CELF2: variants seen among roughly 807,000 people sequenced by gnomAD.
CELF2 encodes the protein CUG triplet repeat RNA-binding protein 2.
CELF2 carries 8 observed loss-of-function variants against 62.6 expected under a neutral mutation model. The observed-to-expected ratio is 0.13, with a 90% CI of 0.07 to 0.23. The LOEUF is 0.23. Among genes scored for constraint, CELF2 ranks in the 10% least tolerant of loss-of-function variants. The pLI is 1.00. For missense variants in CELF2, 333 were observed against 671.0 expected, an observed-to-expected ratio of 0.50 and a Z score of 5.56; for synonymous variants, 258 against 250.0, an observed-to-expected ratio of 1.03 and a Z score of -0.30.
rs1035005425 is a variant in CELF2, at chr10:11,246,413, C to G, written c.355-2740C>G. ...CTCCACTGAGCTTCCTGTTGAACTC[C>G]CTTTGCAGGTGACCTCAAAATAGAA... On this transcript the variant is annotated intron_variant, in intron 3 of 12. Transcript: ENST00000633077. This position sits in a 1 kb window ranked among gnomAD's most constrained non-coding sequence, Gnocchi z 4.6. Among the ~76,000 whole-genome samples, 6 of 152,128 alleles carry G rather than the reference C, an allele frequency of 3.9e-5. No homozygotes were observed. Among genetic ancestry groups the G allele is most frequent in the African/African-American group, 1.4e-4 (6 of 41,430 alleles).
chr10:11,121,306 A>G (rs559768602), intron 1 of CELF2, among the ~76,000 whole-genome samples: 1 of 152,224 alleles, frequency 6.6e-6, no homozygotes, highest in Non-Finnish European at 1.5e-5. Flanking sequence ...AATAGCACAC[A>G]TAAGATGCTG....
chr10:11,095,344 G>A (rs1831820235), intron 1 of CELF2, among the ~76,000 whole-genome samples: 1 of 152,210 alleles, frequency 6.6e-6, no homozygotes, highest in Non-Finnish European at 1.5e-5. Context: ...GCTGGCGGTT[G>A]TGTGCGGCAT....
At chr10:11,094,517 C>T (rs1242917203) in intron 1 of CELF2, among the ~76,000 whole-genome samples, 1 of 152,132 alleles carries the variant, frequency 6.6e-6, no homozygotes, top group East Asian at 1.9e-4. Context: ...CCAACCTTCT[C>T]ATACTGAAGT....
chr10:10,762,599 A>C, the CELF2 span, among the ~76,000 whole-genome samples: 1 of 152,182 alleles, frequency 6.6e-6, no homozygotes, highest in Admixed American at 6.5e-5. Flanking sequence ...TCCACTAGGC[A>C]AGCATAACCC....
chr10:10,496,081 T>C, the CELF2 span, among the ~76,000 whole-genome samples: 1 of 152,204 alleles, frequency 6.6e-6, no homozygotes, highest in Non-Finnish European at 1.5e-5. Flanking sequence ...TCTATCCCTT[T>C]TGCTCATGTC....
chr10:10,541,247 A>C, the CELF2 span, among the ~76,000 whole-genome samples: 2 of 151,044 alleles, frequency 1.3e-5, no homozygotes, highest in East Asian at 3.9e-4. Flanking sequence ...CATCTCAAAA[A>C]AAAAAAAAAA....
In CELF2 at chr10:11,319,140, C is replaced by T. The variant is rs1476659755; in HGVS notation, c.1097-2049C>T. ...CTCTCCCGCCAGAATTTCCTCCACACGGGCATCTGCATTTCCAGAGGACTG... is the reference window on the plus strand; with the variant it reads ...CTCTCCCGCCAGAATTTCCTCCACATGGGCATCTGCATTTCCAGAGGACTG... On this transcript the variant is annotated intron_variant, in intron 10 of 12. Transcript: ENST00000633077. The surrounding 1 kb of genome is among the most constrained non-coding windows in gnomAD (Gnocchi z 4.4). 4 of 469,146 alleles carry T rather than the reference C, an allele frequency of 8.5e-6. No individual in the cohort carries two copies. In the East Asian group the frequency reaches 2.1e-4, roughly 24 times the overall value. 29.1% of individuals were successfully genotyped at this position (469,146 alleles called of 1,614,324 possible).
At chr10:11,257,553 G>A in intron 4 of CELF2, 185 bp from the exon 5 acceptor site, 2 of 580,674 alleles carry the variant, frequency 3.4e-6, no homozygotes, top group African/African-American at 1.9e-5. Context: ...GGAAGCACCA[G>A]GTGGGAGGGA....
intron 2 of CELF2, among the ~76,000 whole-genome samples, chr10:11,213,195 C>T (rs1038952855): frequency 6.6e-6 from 1 of 152,182 alleles, no homozygotes; most frequent in Non-Finnish European, 1.5e-5. Flanking sequence ...CCCTCTGATG[C>T]ATGGTGCGAC....
chr10:10,463,979 AT>A, the CELF2 span, among the ~76,000 whole-genome samples: 1 of 149,430 alleles, frequency 6.7e-6, no homozygotes, highest in African/African-American at 2.5e-5. Flanking sequence ...AAAAACTCCT[AT>A]GGATTTTGAA....
the CELF2 span, among the ~76,000 whole-genome samples, chr10:10,605,931 C>T: frequency 6.6e-6 from 1 of 152,206 alleles, no homozygotes. Flanking sequence ...GAAGCATTTG[C>T]ATCATGTGCC....
intron 1 of CELF2, among the ~76,000 whole-genome samples, chr10:10,841,454 G>A (rs1473208574): frequency 2.6e-5 from 4 of 151,382 alleles, no homozygotes; most frequent in Non-Finnish European, 5.9e-5. Context: ...GTAGGTCTGT[G>A]TCTAGGTTCA....
At chr10:11,277,334 C>T (rs983048307) in intron 8 of CELF2, among the ~76,000 whole-genome samples, 2 of 152,166 alleles carry the variant, frequency 1.3e-5, no homozygotes, top group Non-Finnish European at 2.9e-5. Context: ...GAGGTTCCTT[C>T]CTAGGAGAAA....
At chr10:11,108,849 A>G (rs1033386999) in intron 1 of CELF2, among the ~76,000 whole-genome samples, 2 of 152,074 alleles carry the variant, frequency 1.3e-5, no homozygotes, top group African/African-American at 2.4e-5. Flanking sequence ...CCTTCTCTCA[A>G]TTACCTGTTC....
chr10:11,174,256 A>AACACAC (rs1043887621), intron 2 of CELF2, among the ~76,000 whole-genome samples: 3 of 152,016 alleles, frequency 2.0e-5, no homozygotes, highest in Non-Finnish European at 4.4e-5. Context: ...CACATAGACA[A>AACACAC]ACACACACAC....
At position 10,979,672 on chromosome 10, in the gene CELF2, CAAAAAA is replaced by C. The variant is rs35482385; in HGVS notation, c.89+59693_89+59698del. The stretch of plus-strand genomic sequence containing the variant: ...GGCGATAGAGCCAGACCTTGTCTCT[CAAAAAA>C]AAAAAAAAAAAAAAAAAAATTCCAT... On this transcript the variant is annotated intron_variant, in intron 2 of 13. Coordinates refer to the CELF2 transcript ENST00000636488. Among the ~76,000 whole-genome samples the C allele has an allele frequency of 8.7e-5, 6 of 68,988 alleles. No homozygotes were observed. The South Asian group carries it at 2.6e-3, about 30-fold the overall frequency. The allele number at this position is 68,988 out of a possible 152,430, so 45.3% of individuals were successfully genotyped here.
chr10:11,270,827 A>AC lies in CELF2; in HGVS notation c.777+3_777+4insC. On this transcript the variant is annotated splice_donor_region_variant and intron_variant, in intron 7 of 12. Transcript: ENST00000633077. The surrounding 1 kb of genome is among the most constrained non-coding windows in gnomAD (Gnocchi z 5.8). ...GACTGACCCCACAGTATCTGGCGGT[A>AC]AGTGCTGGGCAATGCCGGCGTGGTC... 7.1e-7 allele frequency: 1 copy of AC among 1,411,894 alleles called. No homozygotes were observed. Among genetic ancestry groups the AC allele is most frequent in the Non-Finnish European group, 9.3e-7 (1 of 1,070,392 alleles). The allele number at this position is 1,411,894 out of a possible 1,614,324, so 87.5% of individuals were successfully genotyped here. A position where few individuals can be genotyped will look rare whatever the true frequency, so the allele number is the denominator to read the frequency against.
intron 1 of CELF2, among the ~76,000 whole-genome samples, chr10:11,148,741 G>A (rs7912567): frequency 0.02 from 3,014 of 152,050 alleles, 100 homozygotes; most frequent in African/African-American, 0.068. Context: ...TCTCTGTCAG[G>A]GTTCTGGAAT....
chr10:10,596,275 C>T, the CELF2 span, among the ~76,000 whole-genome samples: 1 of 149,384 alleles, frequency 6.7e-6, no homozygotes, highest in Admixed American at 6.7e-5. Context: ...AAAAAAATAG[C>T]ATAGCAATAC....
Sources: allele counts gnomAD v4.1 joint callset (sites outside exome capture counted in the v4.1 genomes callset), GRCh38; gene constraint gnomAD v4.1.1; non-coding constraint Gnocchi (gnomAD v3.1); transcripts MANE v1.5; gene names NCBI Gene and HGNC (gene_info 2026-07-23, HGNC 2026-07-21).